TAFA1: variants seen among roughly 807,000 people sequenced by gnomAD.
The protein encoded by TAFA1 is TAFA chemokine like family member 1.
In TAFA1, 4 loss-of-function variants were observed where a neutral mutation model predicts 18.5. The ratio of observed to expected loss-of-function variants is 0.22; its 90% confidence interval spans 0.11 to 0.49. TAFA1 has a LOEUF of 0.49. Ranked by LOEUF, TAFA1 falls within the 20% of genes least tolerant of loss-of-function variation. The pLI is 0.98. For synonymous variants in TAFA1, 56 were observed against 55.2 expected (o/e 1.01, Z -0.06); for missense variants, 147 against 169.0 (o/e 0.87, Z 0.72).
intron 2 of TAFA1, among the ~76,000 whole-genome samples, chr3:68,067,332 T>C (rs1202839476): frequency 6.6e-6 from 1 of 152,198 alleles, no homozygotes; most frequent in Non-Finnish European, 1.5e-5. Context: ...CATTTTTTCA[T>C]TAAATATATT....
chr3:68,412,463 G>C (rs1221114692), intron 2 of TAFA1, among the ~76,000 whole-genome samples: 2 of 151,898 alleles, frequency 1.3e-5, no homozygotes, highest in Admixed American at 1.3e-4. Flanking sequence ...TGCCATGTTG[G>C]TGTGCTGCAC....
chr3:68,428,932 A>G (rs17047699), intron 3 of TAFA1, among the ~76,000 whole-genome samples: 4,084 of 152,070 alleles, frequency 0.027, 173 homozygotes, highest in African/African-American at 0.091. Flanking sequence ...CCCGGGTACA[A>G]GAAACCTAAA....
rs201696840 is a variant in TAFA1, at chr3:68,234,246, A to G, written c.119-183034A>G. On this transcript the variant is annotated intron_variant, in intron 2 of 4. Transcript: ENST00000478136. ...AAACTGCATTTGGAATTGGCCTCCT[A>G]CAGAAAGAAGCTAGATACTGACTTC... Among the ~76,000 whole-genome samples, 6 of 152,310 alleles carry G rather than the reference A, an allele frequency of 3.9e-5. No homozygotes were observed. The East Asian group carries it at 1.2e-3, about 29-fold the overall frequency.
intron 2 of TAFA1, among the ~76,000 whole-genome samples, chr3:68,049,614 G>A (rs777151802): frequency 1.2e-4 from 18 of 151,796 alleles, no homozygotes; most frequent in African/African-American, 4.1e-4. Context: ...TGGAGTTGGA[G>A]GGAATATTTC....
intron 2 of TAFA1, among the ~76,000 whole-genome samples, chr3:68,308,310 C>T (rs2068455941): frequency 6.6e-6 from 1 of 152,088 alleles, no homozygotes; most frequent in African/African-American, 2.4e-5. Context: ...AGCTATTGCT[C>T]TTTCATTTTA....
At chr3:68,267,109 A>C (rs1575729245) in intron 2 of TAFA1, among the ~76,000 whole-genome samples, 1 of 152,160 alleles carries the variant, frequency 6.6e-6, no homozygotes, top group African/African-American at 2.4e-5. Flanking sequence ...CAACAAGTCA[A>C]GTTTATTCCG....
intron 2 of TAFA1, among the ~76,000 whole-genome samples, chr3:68,216,921 C>T (rs766218540): frequency 4.6e-5 from 7 of 151,906 alleles, no homozygotes; most frequent in Non-Finnish European, 7.4e-5. Context: ...AAGAAATGAT[C>T]GAATAAATAA....
At chr3:68,344,904 G>C (rs1575793245) in intron 2 of TAFA1, among the ~76,000 whole-genome samples, 2 of 152,062 alleles carry the variant, frequency 1.3e-5, no homozygotes, top group East Asian at 3.9e-4. Flanking sequence ...CTAACAGCTA[G>C]CACAGAATAT....
At chr3:68,522,884 T>C (rs989000631) in intron 3 of TAFA1, among the ~76,000 whole-genome samples, 1 of 152,032 alleles carries the variant, frequency 6.6e-6, no homozygotes, top group Non-Finnish European at 1.5e-5. Flanking sequence ...AAGACCAGCC[T>C]GGCCAACATG....
At chr3:68,214,364 T>G (rs553719398) in intron 2 of TAFA1, among the ~76,000 whole-genome samples, 2 of 152,126 alleles carry the variant, frequency 1.3e-5, no homozygotes, top group Non-Finnish European at 2.9e-5. Context: ...CCTGGCCACA[T>G]GGCATAGATA....
intron 2 of TAFA1, among the ~76,000 whole-genome samples, chr3:68,282,200 C>T (rs1409461032): frequency 6.6e-6 from 1 of 152,168 alleles, no homozygotes; most frequent in Non-Finnish European, 1.5e-5. Flanking sequence ...CCTCCCATGA[C>T]ACATGGGGAT....
chr3:68,441,376 C>T (rs185046220), intron 3 of TAFA1, among the ~76,000 whole-genome samples: 1 of 152,254 alleles, frequency 6.6e-6, no homozygotes, highest in African/African-American at 2.4e-5. Context: ...AGGTGAATCA[C>T]AACAAAGGCC....
At chr3:68,542,896 A>C (rs1177552905) in intron 4 of TAFA1, among the ~76,000 whole-genome samples, 1 of 152,164 alleles carries the variant, frequency 6.6e-6, no homozygotes, top group Non-Finnish European at 1.5e-5. Context: ...AGAGGACGCA[A>C]TCAGATATAC....
chr3:68,120,141 T>G lies in TAFA1; in HGVS notation c.118+113397T>G, dbSNP rs541598893. On this transcript the variant is annotated intron_variant, in intron 2 of 4. Transcript: ENST00000478136. ...CAGTTTTCATAGTAAGCCTCCATATTTCATTTTCTTTCTTTCTTTCTCTTT... is the reference window on the plus strand; with the variant it reads ...CAGTTTTCATAGTAAGCCTCCATATGTCATTTTCTTTCTTTCTTTCTCTTT... Among the ~76,000 whole-genome samples, 400 of 152,076 alleles carry G rather than the reference T, an allele frequency of 2.6e-3. 8 individuals are homozygous for G. Among genetic ancestry groups the G allele is most frequent in the African/African-American group, 9.3e-3 (384 of 41,452 alleles).
intron 2 of TAFA1, among the ~76,000 whole-genome samples, chr3:68,184,847 C>A (rs1487050985): frequency 6.6e-6 from 1 of 152,046 alleles, no homozygotes; most frequent in Non-Finnish European, 1.5e-5. Context: ...ACTCTTCAAC[C>A]CAATGTGATG....
chr3:68,045,672 G>A (rs1042496903), intron 2 of TAFA1, among the ~76,000 whole-genome samples: 2 of 152,044 alleles, frequency 1.3e-5, no homozygotes, highest in East Asian at 1.9e-4. Flanking sequence ...GGACAAATAC[G>A]GTTCTGAGCT....
At chr3:68,455,049 A>T (rs1279255325) in intron 3 of TAFA1, among the ~76,000 whole-genome samples, 1 of 152,208 alleles carries the variant, frequency 6.6e-6, no homozygotes, top group African/African-American at 2.4e-5. Context: ...TTTGCATATT[A>T]TATGTATATT....
intron 2 of TAFA1, among the ~76,000 whole-genome samples, chr3:68,140,943 AT>A (rs1360484877): frequency 2.6e-5 from 4 of 152,186 alleles, no homozygotes; most frequent in Non-Finnish European, 5.9e-5. Flanking sequence ...AAAACCATGT[AT>A]AATTTGTTAA....
intron 2 of TAFA1, among the ~76,000 whole-genome samples, chr3:68,111,613 A>G (rs2065262671): frequency 6.6e-6 from 1 of 152,140 alleles, no homozygotes; most frequent in South Asian, 2.1e-4. Context: ...GTTTCTTGAA[A>G]TTCTGAGGAA....
Sources: allele counts gnomAD v4.1 joint callset (sites outside exome capture counted in the v4.1 genomes callset), GRCh38; gene constraint gnomAD v4.1.1; transcripts MANE v1.5; gene names NCBI Gene and HGNC (gene_info 2026-07-23, HGNC 2026-07-21).